GALNT13: variants seen among roughly 807,000 people sequenced by gnomAD.
GALNT13 encodes UDP-GalNAc:polypeptide N-acetylgalactosaminyltransferase 13.
A neutral mutation model predicts 64.2 loss-of-function variants in GALNT13; 28 were observed. That is an observed-to-expected ratio of 0.44 (90% CI 0.32 to 0.60). The LOEUF is 0.60. GALNT13 is among the 20% of genes least tolerant of loss of function. The pLI, the probability that GALNT13 is intolerant of heterozygous loss-of-function variation, is 0.05. For synonymous variants in GALNT13, 214 were observed against 224.6 expected, an observed-to-expected ratio of 0.95 and a Z score of 0.42; for missense variants, 577 against 669.8, an observed-to-expected ratio of 0.86 and a Z score of 1.53.
the GALNT13 span, among the ~76,000 whole-genome samples, chr2:153,177,385 G>T: frequency 6.6e-6 from 1 of 151,960 alleles, no homozygotes; most frequent in Non-Finnish European, 1.5e-5. Flanking sequence ...GAAGAAAAGG[G>T]CATATACAGG....
At chr2:154,440,510 T>G (rs1701235230) in intron 12 of GALNT13, among the ~76,000 whole-genome samples, 1 of 152,080 alleles carries the variant, frequency 6.6e-6, no homozygotes, top group South Asian at 2.1e-4. Flanking sequence ...TTCTATAAAT[T>G]TACTCTTTTG....
At chr2:154,354,496 C>G (rs1400212607) in intron 9 of GALNT13, among the ~76,000 whole-genome samples, 1 of 128,246 alleles carries the variant, frequency 7.8e-6, no homozygotes, top group Admixed American at 9.6e-5. Context: ...TGGCCATGGC[C>G]ATGTCAGTTT....
the GALNT13 span, among the ~76,000 whole-genome samples, chr2:153,550,313 C>A: frequency 7.9e-5 from 12 of 151,940 alleles, 1 homozygote; most frequent in African/African-American, 2.7e-4. Flanking sequence ...CGGCTCACTG[C>A]AACCTCTGCC....
At chr2:154,102,880 A>G (rs909723847) in intron 3 of GALNT13, among the ~76,000 whole-genome samples, 2 of 152,112 alleles carry the variant, frequency 1.3e-5, no homozygotes, top group African/African-American at 4.8e-5. Context: ...TTGTTTTATA[A>G]TGCCAGTTTA....
chr2:154,120,552 T>C (rs1257009607), intron 3 of GALNT13, among the ~76,000 whole-genome samples: 1 of 152,160 alleles, frequency 6.6e-6, no homozygotes, highest in Admixed American at 6.5e-5. Flanking sequence ...TTCTCTGGAA[T>C]GTATGGAGGT....
the GALNT13 span, among the ~76,000 whole-genome samples, chr2:153,578,661 T>C: frequency 7.2e-5 from 11 of 152,316 alleles, no homozygotes; most frequent in African/African-American, 2.2e-4. Flanking sequence ...TCAAGGGCTA[T>C]GATTTTATCT....
Position 154,155,119 on chromosome 2 carries a change from A to C in GALNT13, c.311+14614A>C, listed in dbSNP as rs1471391417. On this transcript the variant is annotated intron_variant, in intron 4 of 12. Coordinates refer to ENST00000392825, the MANE Select transcript of GALNT13 (RefSeq NM_052917.4). ...GGCAAGATTTTTTACCAGCTTATGA[A>C]AGCTATAGTAATTCTCAACTTGAAA... Among the ~76,000 whole-genome samples, 4 of 152,046 alleles carry C rather than the reference A, an allele frequency of 2.6e-5. No homozygotes were observed. In the East Asian group the frequency reaches 7.7e-4, roughly 29 times the overall value.
the GALNT13 span, among the ~76,000 whole-genome samples, chr2:153,594,009 A>C: frequency 6.6e-6 from 1 of 152,316 alleles, no homozygotes; most frequent in East Asian, 1.9e-4. Flanking sequence ...GATATTCTAT[A>C]CTTGGTAATT....
chr2:154,104,502 T>C (rs2105471609), intron 3 of GALNT13, among the ~76,000 whole-genome samples: 1 of 152,322 alleles, frequency 6.6e-6, no homozygotes, highest in East Asian at 1.9e-4. Context: ...ATCCATAGCA[T>C]GGACAGGGGA....
chr2:154,052,823 G>A (rs6751732), intron 3 of GALNT13, among the ~76,000 whole-genome samples: 34,227 of 147,998 alleles, frequency 0.23, 4,579 homozygotes, highest in Non-Finnish European at 0.3. Context: ...TGCAAGCTCC[G>A]CCTCCCGGGT....
chr2:153,725,736 A>T, the GALNT13 span, among the ~76,000 whole-genome samples: 4 of 151,806 alleles, frequency 2.6e-5, no homozygotes, highest in South Asian at 8.3e-4. Context: ...AGCTGGTTCC[A>T]GAAATATAAT....
chr2:153,699,466 A>C, the GALNT13 span, among the ~76,000 whole-genome samples: 7 of 152,208 alleles, frequency 4.6e-5, no homozygotes, highest in African/African-American at 1.7e-4. Context: ...AAAAGCTAGC[A>C]GAAGACAATA....
chr2:153,261,016 C>A, the GALNT13 span, among the ~76,000 whole-genome samples: 1 of 152,056 alleles, frequency 6.6e-6, no homozygotes. Context: ...TATATCAGTG[C>A]ATTTTTCAAA....
chr2:153,074,931 T>C, the GALNT13 span, among the ~76,000 whole-genome samples: 1 of 152,084 alleles, frequency 6.6e-6, no homozygotes, highest in South Asian at 2.1e-4. Flanking sequence ...CCAGGTCTAA[T>C]TTTGTTGCCC....
chr2:153,416,733 T>C, the GALNT13 span, among the ~76,000 whole-genome samples: 1 of 152,210 alleles, frequency 6.6e-6, no homozygotes, highest in Non-Finnish European at 1.5e-5. Context: ...TTACATACTA[T>C]GTGCCAGATA....
At chr2:153,394,975 T>C in the GALNT13 span, among the ~76,000 whole-genome samples, 2 of 152,090 alleles carry the variant, frequency 1.3e-5, no homozygotes, top group African/African-American at 4.8e-5. Context: ...TTTCTCACTT[T>C]GTTGGCACAA....
At chr2:153,237,556 A>C in the GALNT13 span, among the ~76,000 whole-genome samples, 1 of 151,990 alleles carries the variant, frequency 6.6e-6, no homozygotes, top group African/African-American at 2.4e-5. Context: ...TTTAGCTCCT[A>C]CCAATAATTG....
At chr2:154,137,623 A>T (rs1683029575) in intron 3 of GALNT13, among the ~76,000 whole-genome samples, 1 of 152,172 alleles carries the variant, frequency 6.6e-6, no homozygotes, top group East Asian at 1.9e-4. Context: ...CATGCCTTTG[A>T]ATATATTGCA....
chr2:154,182,844 C>T (rs1409373739), intron 4 of GALNT13, among the ~76,000 whole-genome samples: 1 of 151,922 alleles, frequency 6.6e-6, no homozygotes, highest in African/African-American at 2.4e-5. Flanking sequence ...GATTTCAATA[C>T]CAGACTGCGC....
Sources: allele counts gnomAD v4.1 joint callset (sites outside exome capture counted in the v4.1 genomes callset), GRCh38; gene constraint gnomAD v4.1.1; transcripts MANE v1.5; gene names NCBI Gene and HGNC (gene_info 2026-07-23, HGNC 2026-07-21).